ADGRB3: variants seen among roughly 807,000 people sequenced by gnomAD.
ADGRB3 encodes the protein brain-specific angiogenesis inhibitor 3.
ADGRB3 carries 37 observed loss-of-function variants against 193.4 expected under a neutral mutation model. That is an observed-to-expected ratio of 0.19 (90% CI 0.15 to 0.25). The LOEUF (loss-of-function observed/expected upper bound fraction) is 0.25, where lower values mean the gene tolerates loss of function less well. ADGRB3 is among the 10% of genes least tolerant of loss of function. The pLI, the probability that ADGRB3 is intolerant of heterozygous loss-of-function variation, is 1.00. For missense variants in ADGRB3, 1,637 were observed against 1,852.9 expected (o/e 0.88, Z 2.14); for synonymous variants, 690 against 644.2 (o/e 1.07, Z -1.08).
intron 3 of ADGRB3, among the ~76,000 whole-genome samples, chr6:68,651,416 T>C (rs1466093533): frequency 1.3e-5 from 2 of 152,178 alleles, no homozygotes; most frequent in Non-Finnish European, 2.9e-5. Context: ...TCTTTCTGTT[T>C]AGTGGTTTCC....
intron 17 of ADGRB3, among the ~76,000 whole-genome samples, chr6:69,142,457 G>A (rs191845196): frequency 1.8e-3 from 276 of 152,306 alleles, no homozygotes; most frequent in Non-Finnish European, 1.6e-3. Context: ...AGCTAATTAA[G>A]TTGAAAGCAT....
In ADGRB3 at chr6:69,318,908, T is replaced by G. The variant is rs112919384; in HGVS notation, c.2815-5964T>G. Among the ~76,000 whole-genome samples, 7 of 150,764 alleles carry G rather than the reference T, an allele frequency of 4.6e-5. No homozygotes were observed. The East Asian group carries it at 1.4e-3, about 29-fold the overall frequency. On this transcript the variant is annotated intron_variant, in intron 20 of 31. Transcript: ENST00000370598. ...ATAACTATTTTCATTCCTAAACTTA[T>G]TTATTTTGCTTTTTCTCTCACCTTT...
In ADGRB3 at chr6:68,635,640, T is replaced by G. The variant is rs1266115161; in HGVS notation, c.-548T>G. On this transcript the variant is annotated 5_prime_UTR_variant, in exon 1 of 32. Coordinates refer to ENST00000370598, the MANE Select transcript of ADGRB3 (RefSeq NM_001704.3). ...GGGGGTAGCTTTTATGAAACAAATC[T>G]TTGCTATTAAGCCACTTACATTTTG... 2.0e-5 allele frequency: 3 copies of G among 152,438 alleles called. No homozygotes were observed. The highest frequency in any genetic ancestry group is 4.4e-5 in the Non-Finnish European group (3 of 68,310). 9.4% of individuals were successfully genotyped at this position (152,438 alleles called of 1,614,324 possible).
At chr6:69,021,746 A>C (rs1378406712) in intron 13 of ADGRB3, among the ~76,000 whole-genome samples, 1 of 151,938 alleles carries the variant, frequency 6.6e-6, no homozygotes, top group African/African-American at 2.4e-5. Context: ...TATTTTAGAA[A>C]GACTTTCTTC....
chr6:68,719,340 C>T (rs577259633), intron 3 of ADGRB3, among the ~76,000 whole-genome samples: 5 of 151,488 alleles, frequency 3.3e-5, no homozygotes, highest in African/African-American at 7.3e-5. Context: ...CTAGTGTGAC[C>T]GAATAATTGA....
intron 3 of ADGRB3, among the ~76,000 whole-genome samples, chr6:68,659,484 A>G (rs1768572277): frequency 6.6e-6 from 1 of 151,050 alleles, no homozygotes; most frequent in African/African-American, 2.4e-5. Context: ...AATTTATTTC[A>G]TATTTATATA....
intron 3 of ADGRB3, among the ~76,000 whole-genome samples, chr6:68,871,200 AG>A (rs1765445938): frequency 6.6e-6 from 1 of 152,262 alleles, no homozygotes; most frequent in African/African-American, 2.4e-5. Flanking sequence ...TTGTGCAGAT[AG>A]AAAAAGCATT....
chr6:69,029,764 A>G (rs1464141914), intron 13 of ADGRB3, among the ~76,000 whole-genome samples: 1 of 152,144 alleles, frequency 6.6e-6, no homozygotes, highest in Non-Finnish European at 1.5e-5. Context: ...CCTCAAATAG[A>G]AAACCATAAC....
intron 10 of ADGRB3, 146 bp from the exon 11 acceptor site, chr6:68,993,622 A>G (rs1769299799): frequency 1.2e-6 from 1 of 808,460 alleles, no homozygotes; most frequent in Non-Finnish European, 2.0e-6. Flanking sequence ...TGGGATACAC[A>G]CAATTTACAG....
intron 3 of ADGRB3, among the ~76,000 whole-genome samples, chr6:68,699,843 C>T (rs929920162): frequency 6.6e-6 from 1 of 151,760 alleles, no homozygotes; most frequent in African/African-American, 2.4e-5. Context: ...TAGAAGACAA[C>T]CCTGCCTTTA....
At chr6:68,638,405 C>T (rs1768004120) in intron 2 of ADGRB3, among the ~76,000 whole-genome samples, 1 of 152,190 alleles carries the variant, frequency 6.6e-6, no homozygotes, top group Non-Finnish European at 1.5e-5. Context: ...TAGGGCATTC[C>T]TATTAATAAT....
At chr6:68,837,234 G>A (rs536322) in intron 3 of ADGRB3, among the ~76,000 whole-genome samples, 32,650 of 152,068 alleles carry the variant, frequency 0.21, 4,060 homozygotes, top group East Asian at 0.58. Flanking sequence ...TTAAATCTGG[G>A]TTCATAAACC....
chr6:68,995,945 TG>T lies in ADGRB3; in HGVS notation c.1929+1984del, dbSNP rs200881243. Among the ~76,000 whole-genome samples the T allele has an allele frequency of 5.7e-3, 865 of 152,310 alleles. 3 individuals are homozygous for T. Among genetic ancestry groups the T allele is most frequent in the Non-Finnish European group, 7.9e-3 (538 of 68,024 alleles). ...TTCCCACAATTTTATACAAAGAATTTGCAAATATTTACTGTCTTCTTTACTT... is the reference window on the plus strand; with the variant it reads ...TTCCCACAATTTTATACAAAGAATTTCAAATATTTACTGTCTTCTTTACTT... On this transcript the variant is annotated intron_variant, in intron 11 of 31. Transcript: ENST00000370598.
At chr6:68,671,179 A>G (rs1768947824) in intron 3 of ADGRB3, among the ~76,000 whole-genome samples, 1 of 152,042 alleles carries the variant, frequency 6.6e-6, no homozygotes, top group African/African-American at 2.4e-5. Flanking sequence ...TTTCCTAAAT[A>G]TAAGATTATA....
At chr6:69,020,168 T>C (rs1045192920) in intron 13 of ADGRB3, among the ~76,000 whole-genome samples, 2 of 152,058 alleles carry the variant, frequency 1.3e-5, no homozygotes, top group African/African-American at 2.4e-5. Flanking sequence ...CTTCTTCTTG[T>C]TGTAAATGTT....
At position 68,977,119 on chromosome 6, in the gene ADGRB3, T is replaced by C. The variant is rs951838413; in HGVS notation, c.1734+1779T>C. Among the ~76,000 whole-genome samples the C allele has an allele frequency of 5.3e-5, 8 of 150,068 alleles. No homozygotes were observed. In the East Asian group the frequency reaches 1.6e-3, roughly 29 times the overall value. ...TACACATGTATTTTTTATAGTCTTT[T>C]TTTGTTTCTATTTAGAGACAAAAAT... On this transcript the variant is annotated intron_variant, in intron 10 of 31. Transcript: ENST00000370598.
intron 4 of ADGRB3, 102 bp downstream of exon 4, chr6:68,930,771 G>T: frequency 1.0e-6 from 1 of 953,258 alleles, no homozygotes; most frequent in East Asian, 2.9e-5. Flanking sequence ...TTTTGGAGCT[G>T]ATATTTTTTC....
At chr6:69,092,287 T>C (rs1772732288) in intron 17 of ADGRB3, among the ~76,000 whole-genome samples, 1 of 152,218 alleles carries the variant, frequency 6.6e-6, no homozygotes, top group Non-Finnish European at 1.5e-5. Context: ...TCAGATCATT[T>C]CCATTGTCTA....
At position 68,772,878 on chromosome 6, in the gene ADGRB3, CA is replaced by C. The variant is rs1178852808; in HGVS notation, c.757+133449del. Among the ~76,000 whole-genome samples the C allele has an allele frequency of 6.2e-3, 97 of 15,698 alleles. 3 individuals carry two copies. The highest frequency in any genetic ancestry group is 0.052 in the South Asian group (27 of 522). 10.3% of individuals were successfully genotyped at this position (15,698 alleles called of 152,430 possible). On this transcript the variant is annotated intron_variant, in intron 3 of 31. Coordinates refer to ENST00000370598, the MANE Select transcript of ADGRB3 (RefSeq NM_001704.3). ...AAAAACAAACAAACAAACAAACAAA[CA>C]AACAAAAAAAAAAAAATATATATAT... is the stretch of plus-strand genomic sequence containing the variant.
Sources: gnomAD v4.1 joint callset for allele counts (sites outside exome capture counted in the v4.1 genomes callset) on GRCh38, gnomAD v4.1.1 for gene constraint, MANE v1.5 for transcripts, NCBI Gene and HGNC (gene_info 2026-07-23, HGNC 2026-07-21) for gene names.